Variants in GALNT13 observed in about 807,000 individuals in gnomAD.
GALNT13 encodes the protein polypeptide N-acetylgalactosaminyltransferase 13.
GALNT13 carries 28 observed loss-of-function variants against 64.2 expected under a neutral mutation model. The observed-to-expected ratio is 0.44, with a 90% CI of 0.32 to 0.60. The LOEUF is 0.60. Ranked by LOEUF, GALNT13 falls within the 20% of genes least tolerant of loss-of-function variation. GALNT13 has a pLI of 0.05. For synonymous variants in GALNT13, 214 were observed against 224.6 expected, an observed-to-expected ratio of 0.95 and a Z score of 0.42; for missense variants, 577 against 669.8, an observed-to-expected ratio of 0.86 and a Z score of 1.53.
intron 8 of GALNT13, among the ~76,000 whole-genome samples, chr2:154,272,561 C>T (rs941656646): frequency 6.6e-6 from 1 of 151,950 alleles, no homozygotes; most frequent in East Asian, 1.9e-4. Flanking sequence ...TTAAATTCAG[C>T]GGTTTGAATT....
intron 9 of GALNT13, among the ~76,000 whole-genome samples, chr2:154,387,128 A>G (rs1385295515): frequency 6.6e-6 from 1 of 152,160 alleles, no homozygotes; most frequent in South Asian, 2.1e-4. Context: ...AGTTCTGTCC[A>G]CTGACATGCT....
At chr2:153,392,005 T>C in the GALNT13 span, among the ~76,000 whole-genome samples, 1 of 148,714 alleles carries the variant, frequency 6.7e-6, no homozygotes, top group African/African-American at 2.4e-5. Flanking sequence ...ATTAAATTCA[T>C]CACATTAATT....
intron 9 of GALNT13, among the ~76,000 whole-genome samples, chr2:154,304,175 AG>A (rs1693606872): frequency 6.6e-6 from 1 of 152,230 alleles, no homozygotes; most frequent in African/African-American, 2.4e-5. Flanking sequence ...GTGTGTGATT[AG>A]GAAAAGGACT....
intron 4 of GALNT13, among the ~76,000 whole-genome samples, chr2:154,230,134 T>A (rs995490020): frequency 1.3e-5 from 2 of 152,040 alleles, no homozygotes; most frequent in African/African-American, 4.8e-5. Context: ...GTAAAAAACA[T>A]GAGCCCCTGA....
chr2:153,878,159 A>G (rs1268225093), intron 1 of GALNT13, among the ~76,000 whole-genome samples: 2 of 152,198 alleles, frequency 1.3e-5, no homozygotes, highest in African/African-American at 4.8e-5. Flanking sequence ...TATCATCTCA[A>G]TTTTATAAAA....
chr2:153,833,519 G>A, the GALNT13 span, among the ~76,000 whole-genome samples: 1 of 152,204 alleles, frequency 6.6e-6, no homozygotes, highest in East Asian at 1.9e-4. Flanking sequence ...AAGTCTCACA[G>A]TATAATGTTT....
At chr2:154,369,384 TAAG>T (rs1697554284) in intron 9 of GALNT13, among the ~76,000 whole-genome samples, 1 of 152,116 alleles carries the variant, frequency 6.6e-6, no homozygotes, top group African/African-American at 2.4e-5. Context: ...CTGTGAAAAT[TAAG>T]AAATGAATGT....
intron 10 of GALNT13, among the ~76,000 whole-genome samples, chr2:154,408,694 G>T (rs1430851525): frequency 6.6e-6 from 1 of 152,004 alleles, no homozygotes; most frequent in African/African-American, 2.4e-5. Context: ...TTCATAATAT[G>T]CAGCTGCTTC....
intron 9 of GALNT13, among the ~76,000 whole-genome samples, chr2:154,311,275 G>A (rs545928051): frequency 2.6e-5 from 4 of 151,962 alleles, no homozygotes; most frequent in East Asian, 3.9e-4. Context: ...CGATAATCAC[G>A]TAGGTTCTTT....
At chr2:153,423,167 A>G in the GALNT13 span, among the ~76,000 whole-genome samples, 1 of 151,934 alleles carries the variant, frequency 6.6e-6, no homozygotes, top group Non-Finnish European at 1.5e-5. Context: ...ATCATGACAA[A>G]GAATGATGAA....
At chr2:154,112,390 A>T (rs1703037165) in intron 3 of GALNT13, among the ~76,000 whole-genome samples, 3 of 152,178 alleles carry the variant, frequency 2.0e-5, no homozygotes, top group South Asian at 4.1e-4. Context: ...AGAACGGGTC[A>T]TCCTATTGAC....
chr2:154,433,980 T>C (rs1700818560), intron 11 of GALNT13, among the ~76,000 whole-genome samples: 1 of 152,182 alleles, frequency 6.6e-6, no homozygotes, highest in South Asian at 2.1e-4. Flanking sequence ...CTAATGTAAC[T>C]GGTGTTTTTA....
the GALNT13 span, among the ~76,000 whole-genome samples, chr2:153,583,665 G>A: frequency 2.0e-5 from 3 of 152,156 alleles, no homozygotes; most frequent in Admixed American, 2.0e-4. Flanking sequence ...GTGACTATGA[G>A]ACTGTGAGAA....
the GALNT13 span, among the ~76,000 whole-genome samples, chr2:153,458,631 A>C: frequency 1.3e-5 from 2 of 152,194 alleles, no homozygotes; most frequent in Non-Finnish European, 1.5e-5. Context: ...TAATCTGCGG[A>C]CAGATTCTAG....
the GALNT13 span, among the ~76,000 whole-genome samples, chr2:153,709,304 A>G: frequency 6.6e-6 from 1 of 152,058 alleles, no homozygotes; most frequent in Non-Finnish European, 1.5e-5. Context: ...AAAACAAACA[A>G]AAAAACCCAA....
the GALNT13 span, among the ~76,000 whole-genome samples, chr2:153,688,991 G>GGTGTGTGTGTGTGTGTGT: frequency 8.5e-5 from 11 of 130,156 alleles, no homozygotes; most frequent in East Asian, 1.0e-3. Context: ...TAGAGGTAGG[G>GGTGTGTGTGTGTGTGTGT]GTGTGTGTGT....
the GALNT13 span, among the ~76,000 whole-genome samples, chr2:153,079,547 A>G: frequency 2.6e-5 from 4 of 152,212 alleles, no homozygotes. Flanking sequence ...GGAAAAGTTC[A>G]CATTCTGTGT....
the GALNT13 span, among the ~76,000 whole-genome samples, chr2:153,429,737 A>G: frequency 6.6e-6 from 1 of 152,146 alleles, no homozygotes. Context: ...TTATATTATT[A>G]AAATAATGAG....
At chr2:154,120,497 A>T (rs538737978) in intron 3 of GALNT13, among the ~76,000 whole-genome samples, 1 of 152,168 alleles carries the variant, frequency 6.6e-6, no homozygotes, top group African/African-American at 2.4e-5. Flanking sequence ...GGCTAAGTTG[A>T]GTGGCTGTTT....
Sources: gnomAD v4.1 joint callset for allele counts (sites outside exome capture counted in the v4.1 genomes callset) on GRCh38, gnomAD v4.1.1 for gene constraint, MANE v1.5 for transcripts, NCBI Gene and HGNC (gene_info 2026-07-23, HGNC 2026-07-21) for gene names.